The following IL1RAPL2 variants were observed in gnomAD, a reference collection of about 807,000 sequenced individuals.
IL1RAPL2 encodes X-linked interleukin-1 receptor accessory protein-like 2.
IL1RAPL2 carries 3 observed loss-of-function variants against 44.1 expected under a neutral mutation model. That is an observed-to-expected ratio of 0.07 (90% CI 0.03 to 0.18). The LOEUF is 0.18. IL1RAPL2 is among the 10% of genes least tolerant of loss of function. The pLI, the probability that IL1RAPL2 is intolerant of heterozygous loss-of-function variation, is 1.00. For synonymous variants in IL1RAPL2, 181 were observed against 178.8 expected, an observed-to-expected ratio of 1.01 and a Z score of -0.10; for missense variants, 391 against 496.4, an observed-to-expected ratio of 0.79 and a Z score of 2.02.
chrX:105,635,355 A>G (rs1340669572), intron 6 of IL1RAPL2, among the ~76,000 whole-genome samples: 2 of 111,964 alleles, frequency 1.8e-5, no homozygotes, highest in Non-Finnish European at 3.8e-5. Context: ...CTGATGGGGT[A>G]GGAAGAGGAA....
intron 2 of IL1RAPL2, among the ~76,000 whole-genome samples, chrX:105,060,058 C>T (rs755208308): frequency 8.9e-6 from 1 of 111,943 alleles, no homozygotes; most frequent in East Asian, 2.8e-4. Flanking sequence ...TACTAATTTA[C>T]ATTCCCGCTA....
chrX:105,323,294 G>A (rs2034910155), intron 5 of IL1RAPL2, among the ~76,000 whole-genome samples: 1 of 111,767 alleles, frequency 8.9e-6, no homozygotes, highest in Non-Finnish European at 1.9e-5. Flanking sequence ...CAAAGTGTTC[G>A]TTTCTTTTTA....
chrX:104,922,346 T>A (rs1381235194), intron 2 of IL1RAPL2, among the ~76,000 whole-genome samples: 1 of 113,032 alleles, frequency 8.8e-6, no homozygotes, highest in African/African-American at 3.2e-5. Context: ...AGCTGGTTCT[T>A]GCCTGCTATC....
At chrX:105,067,340 G>C (rs1409803543) in intron 2 of IL1RAPL2, among the ~76,000 whole-genome samples, 1 of 111,074 alleles carries the variant, frequency 9.0e-6, no homozygotes, top group Non-Finnish European at 1.9e-5. Context: ...ATCTGAAGTG[G>C]AGCCTGAGCA....
At chrX:105,183,062 C>T (rs970675153) in intron 2 of IL1RAPL2, among the ~76,000 whole-genome samples, 16 of 110,947 alleles carry the variant, frequency 1.4e-4, no homozygotes, top group African/African-American at 4.6e-4. Context: ...GGCACTGTGG[C>T]GAGTGGAGGG....
chrX:105,394,882 A>G (rs931094554), intron 5 of IL1RAPL2, among the ~76,000 whole-genome samples: 2 of 110,856 alleles, frequency 1.8e-5, no homozygotes, highest in Admixed American at 1.9e-4. Flanking sequence ...TTCACCAACC[A>G]CCAACATTCA....
rs201056649 is a variant in IL1RAPL2, at chrX:104,917,471, CA to C, written c.82+258477del. On this transcript the variant is annotated intron_variant, in intron 2 of 10. Coordinates refer to ENST00000372582, the MANE Select transcript of IL1RAPL2 (RefSeq NM_017416.2). ...GGAGTTTCTCTATTTGATTTTTATC[CA>C]CAGATTTGATTTAAAAAAAACCTTG... 5.4e-3 allele frequency among the ~76,000 whole-genome samples: 598 copies of C among 111,372 alleles called. 5 individuals carry two copies. Among genetic ancestry groups the C allele is most frequent in the African/African-American group, 0.017 (524 of 30,642 alleles).
At position 105,680,207 on chromosome X, in the gene IL1RAPL2, G is replaced by A. The variant is rs2037912124; in HGVS notation, c.773-37160G>A. On this transcript the variant is annotated intron_variant, in intron 6 of 10. Transcript: ENST00000372582. ...GTAGAGACGGTGTTTCACCATGTTA[G>A]CCAGGATGGTCTAGATCTCCTGACC... Among the ~76,000 whole-genome samples the A allele has an allele frequency of 2.7e-5, 3 of 111,690 alleles. 1 individual carries two copies. The South Asian group carries it at 1.1e-3, about 42-fold the overall frequency.
At chrX:105,649,012 A>C (rs188615811) in intron 6 of IL1RAPL2, among the ~76,000 whole-genome samples, 1 of 111,634 alleles carries the variant, frequency 9.0e-6, no homozygotes, top group Non-Finnish European at 1.9e-5. Context: ...AGATTGCCTA[A>C]GTACCATTTT....
At chrX:104,921,901 G>T (rs1924652312) in intron 2 of IL1RAPL2, among the ~76,000 whole-genome samples, 1 of 112,258 alleles carries the variant, frequency 8.9e-6, no homozygotes, top group African/African-American at 3.2e-5. Flanking sequence ...GCAGCAGCTG[G>T]GTGGGGTCCC....
intron 2 of IL1RAPL2, among the ~76,000 whole-genome samples, chrX:104,735,616 GTAGGCTCTCT>G (rs1198829475): frequency 9.0e-6 from 1 of 111,546 alleles, no homozygotes; most frequent in South Asian, 3.7e-4. Flanking sequence ...GCATCCCACA[GTAGGCTCTCT>G]TTAGAAGAAT....
At chrX:105,233,055 G>C (rs1053563792) in intron 3 of IL1RAPL2, among the ~76,000 whole-genome samples, 1 of 111,858 alleles carries the variant, frequency 8.9e-6, no homozygotes, top group African/African-American at 3.2e-5. Context: ...AGGCCGAGGC[G>C]GGCGGATCAC....
chrX:105,307,546 A>T (rs868625755), intron 5 of IL1RAPL2, among the ~76,000 whole-genome samples: 48 of 11,446 alleles, frequency 4.2e-3, no homozygotes, highest in South Asian at 0.01. Context: ...TATTATATAT[A>T]ATATATATTT....
At chrX:105,551,525 G>GA (rs979885957) in intron 6 of IL1RAPL2, among the ~76,000 whole-genome samples, 2 of 110,957 alleles carry the variant, frequency 1.8e-5, no homozygotes, top group African/African-American at 3.3e-5. Context: ...GCAGCAGCCT[G>GA]AAAAAATCTA....
At chrX:105,717,563 A>G (rs781369601) in intron 7 of IL1RAPL2, 67 bp downstream of exon 7, 1 of 1,028,075 alleles carries the variant, frequency 9.7e-7, no homozygotes, top group African/African-American at 1.9e-5. Flanking sequence ...TTTTAATTGC[A>G]ACTCCAAATC....
chrX:104,829,849 A>G (rs1921560272), intron 2 of IL1RAPL2, among the ~76,000 whole-genome samples: 1 of 112,291 alleles, frequency 8.9e-6, no homozygotes, highest in Non-Finnish European at 1.9e-5. Context: ...GTGCATGGAC[A>G]GGTACTCTGT....
At chrX:105,115,907 C>G (rs2147568885) in intron 2 of IL1RAPL2, among the ~76,000 whole-genome samples, 1 of 113,310 alleles carries the variant, frequency 8.8e-6, no homozygotes, top group South Asian at 3.6e-4. Context: ...CGCAGAGAGG[C>G]AGCTAAGGCC....
intron 2 of IL1RAPL2, among the ~76,000 whole-genome samples, chrX:105,138,985 A>G (rs1211089389): frequency 1.8e-5 from 2 of 111,249 alleles, no homozygotes; most frequent in Non-Finnish European, 3.8e-5. Context: ...AGGCATCTAT[A>G]AAGAGAAATA....
intron 5 of IL1RAPL2, among the ~76,000 whole-genome samples, chrX:105,409,286 A>T (rs909856928): frequency 9.0e-6 from 1 of 111,461 alleles, no homozygotes; most frequent in Non-Finnish European, 1.9e-5. Flanking sequence ...GCACATGTAA[A>T]ATTCAGGATA....
Sources: allele counts gnomAD v4.1 joint callset (sites outside exome capture counted in the v4.1 genomes callset), GRCh38; gene constraint gnomAD v4.1.1; transcripts MANE v1.5; gene names NCBI Gene and HGNC (gene_info 2026-07-23, HGNC 2026-07-21).